The following GRID1 variants were observed in gnomAD, a reference collection of about 807,000 sequenced individuals.
The protein encoded by GRID1 is glutamate ionotropic receptor delta type subunit 1, also known as glutamate receptor ionotropic, delta-1.
Under a neutral mutation model 98.0 loss-of-function variants are expected in GRID1, and 28 were observed. The observed-to-expected ratio is 0.29, with a 90% CI of 0.21 to 0.39. GRID1 has a LOEUF of 0.39. Ranked by LOEUF, GRID1 falls within the 10% of genes least tolerant of loss-of-function variation. The pLI is 1.00. For synonymous variants in GRID1, 553 were observed against 538.5 expected (o/e 1.03, Z -0.37); for missense variants, 1,111 against 1,340.5 (o/e 0.83, Z 2.67).
chr10:85,880,801 G>C (rs1445620224), intron 5 of GRID1, among the ~76,000 whole-genome samples: 1 of 151,996 alleles, frequency 6.6e-6, no homozygotes, highest in Non-Finnish European at 1.5e-5. Flanking sequence ...GGAAATAAAG[G>C]GTATTCAATT....
intron 4 of GRID1, among the ~76,000 whole-genome samples, chr10:86,128,255 T>C (rs1275628074): frequency 6.6e-6 from 1 of 152,076 alleles, no homozygotes; most frequent in East Asian, 1.9e-4. Flanking sequence ...CTTATTTAAA[T>C]CGAAGTGGTT....
intron 8 of GRID1, among the ~76,000 whole-genome samples, chr10:85,830,507 C>A (rs548328041): frequency 1.3e-5 from 2 of 150,612 alleles, no homozygotes; most frequent in Non-Finnish European, 2.9e-5. Context: ...AAACTATCAA[C>A]AGAGTAAACA....
chr10:86,195,318 A>G lies in GRID1; in HGVS notation c.520+11046T>C, dbSNP rs1227809202. Among the ~76,000 whole-genome samples the G allele has an allele frequency of 1.3e-5, 2 of 152,078 alleles. No homozygotes were observed. The highest frequency in any genetic ancestry group is 2.9e-5 in the Non-Finnish European group (2 of 67,960). On this transcript the variant is annotated intron_variant, in intron 3 of 15. Transcript: ENST00000327946. The surrounding 1 kb of genome is among the most constrained non-coding windows in gnomAD (Gnocchi z 4.4). ...GTCTCCTGTAGAGATCAGGTCCCTC[A>G]GGGAGGATTCTTTGCAGTGCTGAGG...
rs139752077 is a variant in GRID1 at position 85,612,467 on chromosome 10, C to G, written c.2601+940G>C. 2.6e-5 allele frequency among the ~76,000 whole-genome samples: 4 copies of G among 152,252 alleles called. No homozygotes were observed. In the East Asian group the frequency reaches 7.8e-4, roughly 30 times the overall value. On this transcript the variant is annotated intron_variant, in intron 15 of 15. Transcript: ENST00000327946. ...AAACAAAAACAGACAAAAAACAAAA[C>G]AAAACAGAAGTGCTTTTGGGTTTGA...
intron 4 of GRID1, among the ~76,000 whole-genome samples, chr10:86,104,406 G>A (rs1485082214): frequency 3.9e-5 from 6 of 152,138 alleles, no homozygotes; most frequent in Non-Finnish European, 5.9e-5. Flanking sequence ...ACCCACGAGG[G>A]GCACAACTCA....
intron 4 of GRID1, among the ~76,000 whole-genome samples, chr10:85,938,999 C>T (rs1292365588): frequency 3.9e-5 from 6 of 152,188 alleles, no homozygotes; most frequent in Non-Finnish European, 7.3e-5. Context: ...AGTTTGTAAA[C>T]GGATGCTGAC....
At chr10:85,806,230 T>C (rs1185278702) in intron 8 of GRID1, among the ~76,000 whole-genome samples, 1 of 152,120 alleles carries the variant, frequency 6.6e-6, no homozygotes, top group East Asian at 1.9e-4. Flanking sequence ...TCAATATTAT[T>C]AGTCTTTATA....
chr10:86,170,702 C>T (rs528648080), intron 3 of GRID1, among the ~76,000 whole-genome samples: 1 of 152,286 alleles, frequency 6.6e-6, no homozygotes, highest in East Asian at 1.9e-4. Context: ...CGCATGCACT[C>T]CAAGTGCCAG....
chr10:85,829,654 CAAT>C (rs1564603390), intron 8 of GRID1, among the ~76,000 whole-genome samples: 1 of 152,106 alleles, frequency 6.6e-6, no homozygotes, highest in Admixed American at 6.5e-5. Flanking sequence ...TATACAACAA[CAAT>C]GTCCAAGTGG....
chr10:85,904,124 C>T (rs1307089808), intron 5 of GRID1, among the ~76,000 whole-genome samples: 1 of 152,100 alleles, frequency 6.6e-6, no homozygotes, highest in Non-Finnish European at 1.5e-5. Flanking sequence ...CTCCACAATA[C>T]CAGGAGTTTT....
chr10:85,789,045 T>C (rs1425360862), intron 8 of GRID1, among the ~76,000 whole-genome samples: 1 of 152,150 alleles, frequency 6.6e-6, no homozygotes, highest in African/African-American at 2.4e-5. Flanking sequence ...ATACCTCCCA[T>C]TGTACATTAA....
intron 4 of GRID1, among the ~76,000 whole-genome samples, chr10:86,119,818 T>A (rs1844639899): frequency 6.6e-6 from 1 of 151,976 alleles, no homozygotes; most frequent in Admixed American, 6.6e-5. Context: ...TGAGACAGAG[T>A]CTCACTCTGT....
intron 4 of GRID1, among the ~76,000 whole-genome samples, chr10:85,976,874 T>C (rs1842479641): frequency 6.6e-6 from 1 of 152,174 alleles, no homozygotes; most frequent in Admixed American, 6.5e-5. Flanking sequence ...GGAAAATATA[T>C]CACATGGGTG....
intron 2 of GRID1, among the ~76,000 whole-genome samples, chr10:86,208,176 C>T (rs1589411291): frequency 6.6e-6 from 1 of 152,162 alleles, no homozygotes; most frequent in Non-Finnish European, 1.5e-5. Context: ...CAGCAAAGAC[C>T]GGCTGCCCTC....
chr10:85,902,265 T>C (rs1404109495), intron 5 of GRID1, among the ~76,000 whole-genome samples: 1 of 152,176 alleles, frequency 6.6e-6, no homozygotes, highest in Non-Finnish European at 1.5e-5. Context: ...GGGTGGTGCA[T>C]ACAGTGTGGA....
rs373442340 is a variant in GRID1, at chr10:86,264,705, A to G, written c.236-58057T>C. 1,094 of 479,604 alleles carry G rather than the reference A, an allele frequency of 2.3e-3. 2 individuals carry two copies. Among genetic ancestry groups the G allele is most frequent in the Non-Finnish European group, 3.5e-3 (798 of 230,800 alleles). The allele number at this position is 479,604 out of a possible 1,614,324, so 29.7% of individuals were successfully genotyped here. ...GTCCCATGCAGGAGCCGCTCTGCCCAGGCAGCTGCAGGCCCAGCCCCTGCC... is the reference window on the plus strand; with the variant it reads ...GTCCCATGCAGGAGCCGCTCTGCCCGGGCAGCTGCAGGCCCAGCCCCTGCC... On this transcript the variant is annotated intron_variant, in intron 2 of 15. Transcript: ENST00000327946.
chr10:85,734,046 G>T (rs1202471137), intron 8 of GRID1, among the ~76,000 whole-genome samples: 1 of 152,112 alleles, frequency 6.6e-6, no homozygotes, highest in Non-Finnish European at 1.5e-5. Context: ...GCATGATAGG[G>T]GAGCAATTGG....
At position 85,930,283 on chromosome 10, in the gene GRID1, G is replaced by A. The variant is rs543163307; in HGVS notation, c.727-14044C>T. ...TTATTTATAACTACAAATAACTTGCGGTTATTTATAACTACAAATAACTTG... is the reference window on the plus strand; with the variant it reads ...TTATTTATAACTACAAATAACTTGCAGTTATTTATAACTACAAATAACTTG... On this transcript the variant is annotated intron_variant, in intron 4 of 15. Transcript: ENST00000327946. Among the ~76,000 whole-genome samples the A allele has an allele frequency of 1.6e-4, 20 of 124,126 alleles. No individual in the cohort carries two copies. In the East Asian group the frequency reaches 3.0e-3, roughly 18 times the overall value. 81.4% of individuals were successfully genotyped at this position (124,126 alleles called of 152,430 possible). A position where few individuals can be genotyped will look rare whatever the true frequency, so the allele number is the denominator to read the frequency against.
chr10:86,294,940 TC>T (rs1457106159), intron 2 of GRID1, among the ~76,000 whole-genome samples: 1 of 152,056 alleles, frequency 6.6e-6, no homozygotes. Context: ...GAGGCTGCAG[TC>T]CTGAGCCCGG....
Sources: allele counts gnomAD v4.1 joint callset (sites outside exome capture counted in the v4.1 genomes callset), GRCh38; gene constraint gnomAD v4.1.1; non-coding constraint Gnocchi (gnomAD v3.1); transcripts MANE v1.5; gene names NCBI Gene and HGNC (gene_info 2026-07-23, HGNC 2026-07-21).